The following CCSER2 variants were observed in gnomAD, a reference collection of about 807,000 sequenced individuals.
CCSER2 encodes coiled-coil serine rich protein 2.
Under a neutral mutation model 92.3 loss-of-function variants are expected in CCSER2, and 46 were observed. The ratio of observed to expected loss-of-function variants is 0.50; its 90% CI spans 0.39 to 0.64. CCSER2 has a LOEUF of 0.64. Ranked by LOEUF, CCSER2 falls within the 30% of genes least tolerant of loss-of-function variation. The pLI, the probability that CCSER2 is intolerant of heterozygous loss-of-function variation, is 0.00. For missense variants in CCSER2, 1,244 were observed against 1,238.9 expected, an observed-to-expected ratio of 1.00 and a Z score of -0.06; for synonymous variants, 433 against 431.4, an observed-to-expected ratio of 1.00 and a Z score of -0.04.
intron 3 of CCSER2, among the ~76,000 whole-genome samples, chr10:84,406,023 AGTT>A (rs1216766625): frequency 6.6e-6 from 1 of 152,206 alleles, no homozygotes; most frequent in Admixed American, 6.5e-5. Context: ...CATGTATAGT[AGTT>A]AAAAACTAGA....
chr10:84,447,920 A>C (rs1485857716), intron 6 of CCSER2, among the ~76,000 whole-genome samples: 1 of 152,082 alleles, frequency 6.6e-6, no homozygotes, highest in Non-Finnish European at 1.5e-5. Context: ...GATCCTCCCA[A>C]GTAGCTGGGA....
At chr10:84,500,252 T>G (rs1340895117) in intron 9 of CCSER2, among the ~76,000 whole-genome samples, 1 of 152,218 alleles carries the variant, frequency 6.6e-6, no homozygotes, top group Non-Finnish European at 1.5e-5. Flanking sequence ...TTTAATGCAT[T>G]TTCAAAACCT....
chr10:84,352,125 C>T (rs1589420710), intron 1 of CCSER2, among the ~76,000 whole-genome samples: 1 of 152,082 alleles, frequency 6.6e-6, no homozygotes, highest in East Asian at 1.9e-4. Context: ...ATGGTGAAAC[C>T]CTGTCTCTAC....
At chr10:84,424,249 C>G (rs1473757739) in intron 4 of CCSER2, among the ~76,000 whole-genome samples, 4 of 151,122 alleles carry the variant, frequency 2.6e-5, no homozygotes, top group Non-Finnish European at 5.9e-5. Flanking sequence ...GGTCACCATG[C>G]CTTTATTTGT....
At chr10:84,399,450 A>G (rs1842004330) in intron 3 of CCSER2, among the ~76,000 whole-genome samples, 2 of 152,192 alleles carry the variant, frequency 1.3e-5, no homozygotes, top group African/African-American at 4.8e-5. Context: ...CTCTCGGAGT[A>G]GGAATTTTTG....
At chr10:84,335,111 C>T (rs1164854713) in intron 1 of CCSER2, among the ~76,000 whole-genome samples, 5 of 151,796 alleles carry the variant, frequency 3.3e-5, no homozygotes, top group Non-Finnish European at 7.4e-5. Flanking sequence ...CGATGGGCAT[C>T]TCAGGGTTTT....
intron 3 of CCSER2, among the ~76,000 whole-genome samples, chr10:84,387,039 CA>C (rs1275643256): frequency 3.9e-5 from 6 of 152,066 alleles, no homozygotes; most frequent in African/African-American, 1.4e-4. Context: ...CACCATTATG[CA>C]ACATGTTCAT....
chr10:84,350,961 TTA>T (rs1402099747), intron 1 of CCSER2, among the ~76,000 whole-genome samples: 1 of 152,228 alleles, frequency 6.6e-6, no homozygotes, highest in Non-Finnish European at 1.5e-5. Flanking sequence ...ATAAAGATAT[TTA>T]TAATCTTTGG....
chr10:84,375,521 A>G (rs1009844398), intron 3 of CCSER2, among the ~76,000 whole-genome samples: 1 of 135,316 alleles, frequency 7.4e-6, no homozygotes, highest in African/African-American at 2.7e-5. Context: ...GTACCTGTTC[A>G]GAATTGTTGG....
At chr10:84,488,805 TC>T (rs1469444307) in intron 9 of CCSER2, among the ~76,000 whole-genome samples, 1 of 127,688 alleles carries the variant, frequency 7.8e-6, no homozygotes, top group African/African-American at 2.5e-5. Flanking sequence ...TGCTCTTGCT[TC>T]TCTAGTTCTT....
At chr10:84,427,509 ACTTCCTGAGTATTG>A (rs1285461400) in intron 5 of CCSER2, among the ~76,000 whole-genome samples, 6 of 152,088 alleles carry the variant, frequency 3.9e-5, no homozygotes, top group Admixed American at 6.5e-5. Flanking sequence ...CCATTCTAAA[ACTTCCTGAGTATTG>A]CTTCGCTTTC....
chr10:84,372,428 C>G lies in CCSER2; in HGVS notation c.1376C>G (p.Ala459Gly), dbSNP rs752613460. The part of the protein sequence containing the change: ...MFDSPKENEK[A>G]FSKTDEWIDI... ...GATTCCCCCAAGGAAAATGAAAAAG[C>G]CTTCAGTAAAACTGATGAATGGATA... is the stretch of plus-strand genomic sequence containing the variant. The change falls in exon 2 of 10, where the codon GCC becomes GGC. Residue 459 changes from alanine (A) to glycine (G), a missense_variant. Transcript: ENST00000372088. The G allele has an allele frequency of 5.0e-6, 8 of 1,585,172 alleles. No individual in the cohort carries two copies. Among genetic ancestry groups the G allele is most frequent in the South Asian group, 1.2e-5 (1 of 84,830 alleles).
In CCSER2 at chr10:84,371,074, A is replaced by G; in HGVS notation, c.22A>G (p.Lys8Glu). The change falls in exon 2 of 10, where the codon AAG (lysine) becomes GAG (glutamate). Residue 8 changes from lysine (K) to glutamate (E), a missense_variant. Transcript: ENST00000372088. MEEKTQI[K>E]TFLGSKLPKY... ...GCTCATGGAAGAAAAAACACAAATC[A>G]AGACATTTTTGGGTTCCAAGTTGCC... The G allele has an allele frequency of 6.3e-7, 1 of 1,591,918 alleles. No homozygotes were observed. Among genetic ancestry groups the G allele is most frequent in the Non-Finnish European group, 8.5e-7 (1 of 1,171,684 alleles).
chr10:84,359,819 AT>A (rs887960389), intron 1 of CCSER2, among the ~76,000 whole-genome samples: 1 of 149,246 alleles, frequency 6.7e-6, no homozygotes, highest in African/African-American at 2.5e-5. Context: ...TTTTTATTTT[AT>A]TTTTTTTTTC....
chr10:84,496,953 T>C (rs1049604795), intron 9 of CCSER2, among the ~76,000 whole-genome samples: 2 of 152,202 alleles, frequency 1.3e-5, no homozygotes, highest in Admixed American at 1.3e-4. Flanking sequence ...CTACTCCATC[T>C]TTTCCTGAAA....
chr10:84,457,231 A>AAT (rs1845686513), intron 6 of CCSER2, among the ~76,000 whole-genome samples: 5 of 92,180 alleles, frequency 5.4e-5, no homozygotes, highest in Non-Finnish European at 8.3e-5. Flanking sequence ...ATTATATATA[A>AAT]ATATATTATA....
At chr10:84,361,152 T>C (rs1051425296) in intron 1 of CCSER2, among the ~76,000 whole-genome samples, 8 of 152,234 alleles carry the variant, frequency 5.3e-5, no homozygotes, top group African/African-American at 1.9e-4. Flanking sequence ...TATGTTTCTC[T>C]TGAATGCTAG....
chr10:84,334,380 T>A (rs1843724365), intron 1 of CCSER2, among the ~76,000 whole-genome samples: 1 of 152,162 alleles, frequency 6.6e-6, no homozygotes, highest in African/African-American at 2.4e-5. Flanking sequence ...CAGTCCTTTC[T>A]TTTTAAGTGA....
intron 6 of CCSER2, among the ~76,000 whole-genome samples, chr10:84,462,090 G>A (rs1276334302): frequency 6.6e-6 from 1 of 152,148 alleles, no homozygotes; most frequent in African/African-American, 2.4e-5. Flanking sequence ...CCTGGGAAGT[G>A]ATCTTAGGTT....
Sources: gnomAD v4.1 joint callset for allele counts (sites outside exome capture counted in the v4.1 genomes callset) on GRCh38, gnomAD v4.1.1 for gene constraint, MANE v1.5 for transcripts, NCBI Gene and HGNC (gene_info 2026-07-23, HGNC 2026-07-21) for gene names.